The following ANGPT1 variants were observed in gnomAD, a reference collection of about 807,000 sequenced individuals.
ANGPT1 encodes angiopoietin-1.
In ANGPT1, 17 loss-of-function variants were observed where a neutral mutation model predicts 62.2. The observed-to-expected ratio is 0.27, with a 90% confidence interval of 0.19 to 0.41. The LOEUF is 0.41. Among genes scored for constraint, ANGPT1 ranks in the 10% least tolerant of loss-of-function variants. The pLI, the probability that ANGPT1 is intolerant of heterozygous loss-of-function variation, is 1.00. For synonymous variants in ANGPT1, 199 were observed against 198.9 expected, an observed-to-expected ratio of 1.00 and a Z score of 0.00; for missense variants, 478 against 594.9, an observed-to-expected ratio of 0.80 and a Z score of 2.04.
chr8:107,313,434 T>TTTG lies in ANGPT1; in HGVS notation c.808+8461_808+8462insCAA, dbSNP rs1554581619. Among the ~76,000 whole-genome samples the TTTG allele has an allele frequency of 1.5e-3, 183 of 119,056 alleles. 2 individuals carry two copies. The highest frequency in any genetic ancestry group is 5.7e-3 in the African/African-American group (178 of 30,962). 78.1% of individuals were successfully genotyped at this position (119,056 alleles called of 152,430 possible). A position where few individuals can be genotyped will look rare whatever the true frequency, so the allele number is the denominator to read the frequency against. On this transcript the variant is annotated intron_variant, in intron 4 of 8. Coordinates refer to ENST00000517746, the MANE Select transcript of ANGPT1 (RefSeq NM_001146.5). ...AGCTAAAAATGTTACTAGTTGTTTT[T>TTTG]TTTTTTTTTTTTTTTTTTTTTTTGA...
intron 4 of ANGPT1, among the ~76,000 whole-genome samples, chr8:107,309,836 G>A (rs1324253976): frequency 1.3e-5 from 2 of 152,108 alleles, no homozygotes; most frequent in African/African-American, 4.8e-5. Flanking sequence ...TTATATGTGT[G>A]TGTGCATGTG....
At chr8:107,332,884 A>G (rs913565388) in intron 3 of ANGPT1, among the ~76,000 whole-genome samples, 3 of 152,234 alleles carry the variant, frequency 2.0e-5, no homozygotes, top group African/African-American at 7.2e-5. Context: ...ATGTAGAAAT[A>G]GCTTCTTGTT....
chr8:107,362,671 T>A (rs1480324768), intron 1 of ANGPT1, among the ~76,000 whole-genome samples: 1 of 152,186 alleles, frequency 6.6e-6, no homozygotes, highest in Non-Finnish European at 1.5e-5. Context: ...GGTTCTCATG[T>A]CACAGAGATG....
At chr8:107,331,877 G>A (rs1053415850) in intron 3 of ANGPT1, among the ~76,000 whole-genome samples, 8 of 152,096 alleles carry the variant, frequency 5.3e-5, no homozygotes, top group Non-Finnish European at 8.8e-5. Context: ...CGTGTGCTCC[G>A]TCTTTGTATA....
At chr8:107,389,338 G>C (rs966102814) in intron 1 of ANGPT1, among the ~76,000 whole-genome samples, 1 of 152,150 alleles carries the variant, frequency 6.6e-6, no homozygotes, top group Non-Finnish European at 1.5e-5. Context: ...CTTTGAGTTA[G>C]ATCTAGGTCT....
chr8:107,371,309 C>A (rs1816406016), intron 1 of ANGPT1, among the ~76,000 whole-genome samples: 1 of 152,162 alleles, frequency 6.6e-6, no homozygotes, highest in Admixed American at 6.5e-5. Context: ...CTACTAATCC[C>A]AAGCAGCCAA....
At chr8:107,330,137 C>T (rs1180566186) in intron 3 of ANGPT1, among the ~76,000 whole-genome samples, 6 of 152,112 alleles carry the variant, frequency 3.9e-5, no homozygotes, top group Non-Finnish European at 8.8e-5. Context: ...ATCATGTGTT[C>T]AGTGTCATAC....
intron 1 of ANGPT1, among the ~76,000 whole-genome samples, chr8:107,468,508 AT>A (rs776477576): frequency 1.5e-4 from 23 of 152,094 alleles, no homozygotes; most frequent in Non-Finnish European, 2.6e-4. Flanking sequence ...TGGATTTCTT[AT>A]TTTTTAAGGC....
At chr8:107,302,970 G>A (rs565330812) in intron 5 of ANGPT1, among the ~76,000 whole-genome samples, 1 of 151,782 alleles carries the variant, frequency 6.6e-6, no homozygotes, top group Non-Finnish European at 1.5e-5. Context: ...ATCTGTACAA[G>A]GCAAACATGT....
chr8:107,358,372 C>T (rs1230694489), intron 1 of ANGPT1, among the ~76,000 whole-genome samples: 1 of 104,768 alleles, frequency 9.5e-6, no homozygotes, highest in African/African-American at 4.9e-5. Context: ...GCAATAAAAT[C>T]CCTATTTTTT....
intron 8 of ANGPT1, among the ~76,000 whole-genome samples, chr8:107,254,465 G>A (rs1193537025): frequency 3.3e-5 from 5 of 151,696 alleles, no homozygotes; most frequent in South Asian, 2.1e-4. Flanking sequence ...GACAAAAAAC[G>A]CAATTACTTT....
intron 1 of ANGPT1, among the ~76,000 whole-genome samples, chr8:107,496,962 G>A (rs1482248408): frequency 6.6e-6 from 1 of 152,034 alleles, no homozygotes; most frequent in Non-Finnish European, 1.5e-5. Context: ...TCTTAAGGTA[G>A]TGTTTTGACA....
chr8:107,252,131 T>C (rs781278952), intron 8 of ANGPT1, 116 bp from the exon 9 acceptor site: 6 of 1,059,250 alleles, frequency 5.7e-6, no homozygotes, highest in Non-Finnish European at 8.2e-6. Context: ...TTGTTATGCT[T>C]ATTTGCAATT....
intron 1 of ANGPT1, among the ~76,000 whole-genome samples, chr8:107,453,875 C>A (rs1811846568): frequency 6.6e-6 from 1 of 151,152 alleles, no homozygotes; most frequent in Admixed American, 6.6e-5. Flanking sequence ...AAAAAAAGAT[C>A]TTGAAACGCC....
rs537410349 is a variant in ANGPT1, at chr8:107,403,783, A to G, written c.298-56686T>C. ...TTAATTCAAAGGGAAAAATTATTTT[A>G]TATCAAAATATCAATGTTCCTTGGC... is the stretch of plus-strand genomic sequence containing the variant. On this transcript the variant is annotated intron_variant, in intron 1 of 8. Coordinates refer to ENST00000517746, the MANE Select transcript of ANGPT1 (RefSeq NM_001146.5). 9.9e-5 allele frequency among the ~76,000 whole-genome samples: 15 copies of G among 152,244 alleles called. No homozygotes were observed. In the South Asian group the frequency reaches 2.9e-3, roughly 29 times the overall value.
intron 1 of ANGPT1, among the ~76,000 whole-genome samples, chr8:107,483,435 A>G (rs1812736285): frequency 6.6e-6 from 1 of 152,144 alleles, no homozygotes; most frequent in Admixed American, 6.6e-5. Context: ...TCCTTAGTAC[A>G]TTAGTTTATC....
chr8:107,296,506 G>A (rs1771689705), intron 5 of ANGPT1, among the ~76,000 whole-genome samples: 1 of 152,066 alleles, frequency 6.6e-6, no homozygotes, highest in South Asian at 2.1e-4. Context: ...GAATGAAGAA[G>A]CCTTTAGTGA....
rs1815156050 is a variant in ANGPT1 at position 107,321,820 on chromosome 8, G to C, written c.808+76C>G. On this transcript the variant is annotated intron_variant, in intron 4 of 8. Coordinates refer to ENST00000517746, the MANE Select transcript of ANGPT1 (RefSeq NM_001146.5). ...TTTACACAGCAATCAATGCACTGTAGAAAGCTATATTGAGTATTTACTTGA... is the reference window on the plus strand; with the variant it reads ...TTTACACAGCAATCAATGCACTGTACAAAGCTATATTGAGTATTTACTTGA... 1.0e-5 allele frequency: 13 copies of C among 1,281,456 alleles called. No homozygotes were observed. In the Admixed American group the frequency reaches 2.5e-4, roughly 25 times the overall value. 79.4% of individuals were successfully genotyped at this position (1,281,456 alleles called of 1,614,324 possible). A position where few individuals can be genotyped will look rare whatever the true frequency, so the allele number is the denominator to read the frequency against.
chr8:107,370,203 G>GAAAGAAAGAAAT (rs1816358401), intron 1 of ANGPT1, among the ~76,000 whole-genome samples: 1 of 132,492 alleles, frequency 7.5e-6, no homozygotes, highest in Non-Finnish European at 1.6e-5. Context: ...AAAAAAGAAA[G>GAAAGAAAGAAAT]AAAGAAAGAA....
Sources: gnomAD v4.1 joint callset for allele counts (sites outside exome capture counted in the v4.1 genomes callset) on GRCh38, gnomAD v4.1.1 for gene constraint, MANE v1.5 for transcripts, NCBI Gene and HGNC (gene_info 2026-07-23, HGNC 2026-07-21) for gene names.